The following RIMS2 variants were observed in gnomAD, a reference collection of about 807,000 sequenced individuals.
RIMS2 encodes regulating synaptic membrane exocytosis protein 2.
A neutral mutation model predicts 174.4 loss-of-function variants in RIMS2; 59 were observed. That is an observed-to-expected ratio of 0.34 (90% CI 0.27 to 0.42). The LOEUF is 0.42. Ranked by LOEUF, RIMS2 falls within the 10% of genes least tolerant of loss-of-function variation. The probability of loss-of-function intolerance (pLI) is 1.00; values close to 1 mark genes in which losing one functional copy is unlikely to be tolerated. For missense variants in RIMS2, 1,620 were observed against 1,666.3 expected (o/e 0.97, Z 0.48); for synonymous variants, 606 against 572.5 (o/e 1.06, Z -0.84).
chr8:104,143,186 A>G (rs2098600195), intron 19 of RIMS2, among the ~76,000 whole-genome samples: 1 of 152,244 alleles, frequency 6.6e-6, no homozygotes, highest in Non-Finnish European at 1.5e-5. Flanking sequence ...ATAGGTGTTC[A>G]GTAAATCTTT....
Position 104,047,826 on chromosome 8 carries a change from C to G in RIMS2, c.3334+33211C>G, listed in dbSNP as rs1297186663. Reference sequence around the variant, plus strand: ...GCATCAAGCTTATTGCACCTGTACTCTTAAGCTTTATCATTTCTGAAAAAC... The same window carrying G: ...GCATCAAGCTTATTGCACCTGTACTGTTAAGCTTTATCATTTCTGAAAAAC... On this transcript the variant is annotated intron_variant, in intron 19 of 23. Coordinates refer to ENST00000504942, the Ensembl canonical transcript of RIMS2. Among the ~76,000 whole-genome samples, 4 of 152,152 alleles carry G rather than the reference C, an allele frequency of 2.6e-5. 1 individual carries two copies. The highest frequency in any genetic ancestry group is 9.6e-5 in the African/African-American group (4 of 41,528).
chr8:103,886,546 C>T (rs2099202948), intron 4 of RIMS2, among the ~76,000 whole-genome samples: 2 of 151,636 alleles, frequency 1.3e-5, no homozygotes, highest in African/African-American at 4.8e-5. Context: ...TATTTTTTGT[C>T]TCCTTATAAA....
At chr8:103,607,173 A>C (rs1164715257) in intron 1 of RIMS2, among the ~76,000 whole-genome samples, 3 of 151,980 alleles carry the variant, frequency 2.0e-5, no homozygotes, top group Non-Finnish European at 4.4e-5. Flanking sequence ...TGCTTCCTTC[A>C]GGAGCTCTTT....
chr8:103,884,019 G>A (rs2099185348), intron 3 of RIMS2, among the ~76,000 whole-genome samples: 1 of 151,768 alleles, frequency 6.6e-6, no homozygotes, highest in African/African-American at 2.4e-5. Flanking sequence ...GTAGCTTCTG[G>A]TTCCTGAATT....
intron 1 of RIMS2, among the ~76,000 whole-genome samples, chr8:103,690,253 C>T (rs751608375): frequency 2.0e-5 from 3 of 152,204 alleles, no homozygotes; most frequent in East Asian, 1.9e-4. Flanking sequence ...CATGAGCCAC[C>T]GCTCCTGGCC....
chr8:104,249,736 G>A (rs145420989), intron 22 of RIMS2, 148 bp downstream of exon 28: 6 of 580,374 alleles, frequency 1.0e-5, no homozygotes, highest in South Asian at 4.2e-5. Flanking sequence ...GGAGTCATTT[G>A]TGTGTTTATC....
intron 19 of RIMS2, among the ~76,000 whole-genome samples, chr8:104,179,922 A>G (rs376675712): frequency 1.3e-5 from 2 of 151,830 alleles, no homozygotes. Flanking sequence ...CTGCATAATC[A>G]TACAGACTTT....
At chr8:104,060,503 A>G (rs1476713811) in intron 19 of RIMS2, among the ~76,000 whole-genome samples, 2 of 151,564 alleles carry the variant, frequency 1.3e-5, no homozygotes, top group Non-Finnish European at 2.9e-5. Flanking sequence ...AATTTTGTTG[A>G]TCCTTTCAAA....
At chr8:103,675,690 A>T (rs1157671815) in intron 1 of RIMS2, among the ~76,000 whole-genome samples, 2 of 152,180 alleles carry the variant, frequency 1.3e-5, no homozygotes, top group African/African-American at 2.4e-5. Context: ...TTTAACTGAC[A>T]ATTATGAAGC....
At chr8:103,621,804 G>T (rs1461817286) in intron 1 of RIMS2, among the ~76,000 whole-genome samples, 1 of 152,186 alleles carries the variant, frequency 6.6e-6, no homozygotes, top group East Asian at 1.9e-4. Context: ...AGAAATGGTT[G>T]TATTTTTGAG....
rs540884073 is a variant in RIMS2, at chr8:103,766,177, T to C, written c.388-50T>C. 2.1e-5 allele frequency: 28 copies of C among 1,342,334 alleles called. 1 individual carries two copies. The South Asian group carries it at 3.4e-4, about 16-fold the overall frequency. The allele number at this position is 1,342,334 out of a possible 1,614,324, so 83.2% of individuals were successfully genotyped here. A position where few individuals can be genotyped will look rare whatever the true frequency, so the allele number is the denominator to read the frequency against. Reference sequence around the variant, plus strand: ...TGAATTTTTGTCTCTTTTTATTTGTTTTTAACTTTTGGGAACACTAATTTT... The same window carrying C: ...TGAATTTTTGTCTCTTTTTATTTGTCTTTAACTTTTGGGAACACTAATTTT... On this transcript the variant is annotated intron_variant, in intron 2 of 23. Coordinates refer to ENST00000504942, the Ensembl canonical transcript of RIMS2.
rs79500162 is a variant in RIMS2, at chr8:103,999,317, T to C, written c.3044+9896T>C. Among the ~76,000 whole-genome samples, 120 of 151,892 alleles carry C rather than the reference T, an allele frequency of 7.9e-4. 1 individual carries two copies. The East Asian group carries it at 0.021, about 27-fold the overall frequency. ...GGTAATAGCAACAGTAATTTACTAGTAACTTTTGTAATGTCTTTCAGCAAA... is the reference window on the plus strand; with the variant it reads ...GGTAATAGCAACAGTAATTTACTAGCAACTTTTGTAATGTCTTTCAGCAAA... On this transcript the variant is annotated intron_variant, in intron 17 of 23. Coordinates refer to ENST00000504942, the Ensembl canonical transcript of RIMS2.
intron 2 of RIMS2, among the ~76,000 whole-genome samples, chr8:103,740,047 G>C (rs999677806): frequency 2.0e-5 from 3 of 152,084 alleles, no homozygotes; most frequent in African/African-American, 7.2e-5. Context: ...TCCACCCTTT[G>C]TACTTTAATT....
intron 19 of RIMS2, chr8:104,223,701 A>C: frequency 6.3e-7 from 1 of 1,592,568 alleles, no homozygotes; most frequent in Non-Finnish European, 8.5e-7. Flanking sequence ...CGCTCCATGC[A>C]GCGCTCCCAG....
At chr8:104,234,503 T>C (rs1044745032) in intron 19 of RIMS2, among the ~76,000 whole-genome samples, 2 of 151,960 alleles carry the variant, frequency 1.3e-5, no homozygotes, top group Admixed American at 1.3e-4. Context: ...TGGATTATTT[T>C]CTAATGGGCT....
At chr8:103,949,146 A>T (rs1338138867) in intron 14 of RIMS2, among the ~76,000 whole-genome samples, 2 of 112,494 alleles carry the variant, frequency 1.8e-5, no homozygotes, top group Admixed American at 1.6e-4. Flanking sequence ...AAAAAAAAAA[A>T]AGGGAAAGGG....
chr8:103,570,365 CTTAT>C (rs886345334), intron 1 of RIMS2, among the ~76,000 whole-genome samples: 4 of 152,144 alleles, frequency 2.6e-5, no homozygotes, highest in Admixed American at 6.5e-5. Flanking sequence ...TGCTTTATTA[CTTAT>C]TTATTCATTA....
intron 19 of RIMS2, among the ~76,000 whole-genome samples, chr8:104,111,095 T>C (rs1224070432): frequency 6.6e-6 from 1 of 152,048 alleles, no homozygotes; most frequent in East Asian, 1.9e-4. Context: ...TGATATTATC[T>C]CTAAAAAAGC....
At chr8:103,745,351 AT>A (rs202115861) in intron 2 of RIMS2, among the ~76,000 whole-genome samples, 12 of 150,232 alleles carry the variant, frequency 8.0e-5, no homozygotes, top group Admixed American at 3.3e-4. Flanking sequence ...GTTATACCAC[AT>A]TTTTTTTTCA....
Sources: allele counts gnomAD v4.1 joint callset (sites outside exome capture counted in the v4.1 genomes callset), GRCh38; gene constraint gnomAD v4.1.1; transcripts MANE v1.5; gene names NCBI Gene and HGNC (gene_info 2026-07-23, HGNC 2026-07-21).